MYO5A: variants seen among roughly 807,000 people sequenced by gnomAD.
MYO5A encodes myosin VA.
In MYO5A, 98 loss-of-function variants were observed where a neutral mutation model predicts 249.7. That is an observed-to-expected ratio of 0.39 (90% CI 0.33 to 0.46). The LOEUF (loss-of-function observed/expected upper bound fraction) is 0.46, where lower values mean the gene tolerates loss of function less well. Among genes scored for constraint, MYO5A ranks in the 20% least tolerant of loss-of-function variants. The pLI, the probability that MYO5A is intolerant of heterozygous loss-of-function variation, is 0.98. For missense variants in MYO5A, 1,696 were observed against 2,308.8 expected (o/e 0.73, Z 5.44); for synonymous variants, 778 against 810.6 (o/e 0.96, Z 0.68).
intron 1 of MYO5A, among the ~76,000 whole-genome samples, chr15:52,515,100 A>C (rs1417582518): frequency 1.3e-5 from 2 of 152,096 alleles, no homozygotes; most frequent in Non-Finnish European, 2.9e-5. Flanking sequence ...CAACACAGTG[A>C]GACCCTGTTT....
At chr15:52,423,053 C>T (rs1014620171) in intron 4 of MYO5A, among the ~76,000 whole-genome samples, 17 of 152,128 alleles carry the variant, frequency 1.1e-4, no homozygotes, top group East Asian at 3.9e-4. Flanking sequence ...TGCCTGACTT[C>T]GTGGGGTAGG....
intron 1 of MYO5A, among the ~76,000 whole-genome samples, chr15:52,486,060 T>A (rs941707387): frequency 6.6e-6 from 1 of 152,160 alleles, no homozygotes; most frequent in Non-Finnish European, 1.5e-5. Flanking sequence ...TAAATCACAT[T>A]CCTCTTCTAT....
At chr15:52,449,116 G>A (rs1019920766) in intron 1 of MYO5A, among the ~76,000 whole-genome samples, 33 of 151,524 alleles carry the variant, frequency 2.2e-4, no homozygotes, top group African/African-American at 7.3e-4. Context: ...TTACAGGCAC[G>A]TGCCACCACG....
chr15:52,374,432 T>C (rs1179035074), intron 20 of MYO5A, among the ~76,000 whole-genome samples: 1 of 152,158 alleles, frequency 6.6e-6, no homozygotes, highest in Non-Finnish European at 1.5e-5. Context: ...CCCAAGGAAA[T>C]TAGGTGCTAA....
intron 9 of MYO5A, among the ~76,000 whole-genome samples, chr15:52,402,018 G>T (rs1295417247): frequency 6.6e-6 from 1 of 152,108 alleles, no homozygotes; most frequent in African/African-American, 2.4e-5. Flanking sequence ...TTCATTGGGG[G>T]ACTTGTGATT....
chr15:52,462,515 G>A (rs2076272758), intron 1 of MYO5A, among the ~76,000 whole-genome samples: 1 of 151,828 alleles, frequency 6.6e-6, no homozygotes, highest in Non-Finnish European at 1.5e-5. Context: ...ATCATGATAA[G>A]ACAATTACTA....
intron 11 of MYO5A, among the ~76,000 whole-genome samples, chr15:52,392,345 A>G (rs969391429): frequency 6.6e-6 from 1 of 152,248 alleles, no homozygotes; most frequent in African/African-American, 2.4e-5. Context: ...GTATATTTTC[A>G]AAACTGCACT....
chr15:52,411,163 C>T (rs1833924730), intron 5 of MYO5A, among the ~76,000 whole-genome samples: 1 of 151,912 alleles, frequency 6.6e-6, no homozygotes, highest in Non-Finnish European at 1.5e-5. Flanking sequence ...TATTTTTTTC[C>T]AAAAAACTTC....
At chr15:52,476,044 T>C (rs760161341) in intron 1 of MYO5A, among the ~76,000 whole-genome samples, 1 of 152,198 alleles carries the variant, frequency 6.6e-6, no homozygotes, top group Non-Finnish European at 1.5e-5. Flanking sequence ...TGTAGGTCTC[T>C]AAGGACTTGC....
intron 3 of MYO5A, among the ~76,000 whole-genome samples, chr15:52,426,546 T>G (rs1457309159): frequency 6.6e-6 from 1 of 152,190 alleles, no homozygotes; most frequent in Non-Finnish European, 1.5e-5. Context: ...CACTACAGCC[T>G]AGACCTCCCA....
intron 21 of MYO5A, among the ~76,000 whole-genome samples, chr15:52,370,883 C>A (rs1250011939): frequency 6.6e-6 from 1 of 152,130 alleles, no homozygotes; most frequent in African/African-American, 2.4e-5. Flanking sequence ...GAGGCCAAGG[C>A]AGGAGGATCA....
At chr15:52,506,050 C>G (rs187897301) in intron 1 of MYO5A, among the ~76,000 whole-genome samples, 5 of 151,520 alleles carry the variant, frequency 3.3e-5, no homozygotes, top group Admixed American at 2.6e-4. Context: ...CCTCTCTCTA[C>G]TAAAAAAATA....
At chr15:52,417,989 G>A (rs2043592942) in intron 4 of MYO5A, among the ~76,000 whole-genome samples, 1 of 152,156 alleles carries the variant, frequency 6.6e-6, no homozygotes, top group African/African-American at 2.4e-5. Context: ...AGGAAGAAGA[G>A]GTTATCAGGG....
intron 39 of MYO5A, 24 bp from the exon 40 acceptor site, chr15:52,317,246 G>T: frequency 6.2e-7 from 1 of 1,611,436 alleles, no homozygotes; most frequent in Non-Finnish European, 8.5e-7. Context: ...GAGATACAGA[G>T]AATGCAAATT....
chr15:52,452,268 A>G (rs1029072795), intron 1 of MYO5A, among the ~76,000 whole-genome samples: 7 of 152,206 alleles, frequency 4.6e-5, no homozygotes, highest in Non-Finnish European at 7.3e-5. Flanking sequence ...TAAGATAATC[A>G]GACTCCTATA....
chr15:52,500,349 T>C (rs1334122879), intron 1 of MYO5A, among the ~76,000 whole-genome samples: 3 of 106,212 alleles, frequency 2.8e-5, no homozygotes, highest in Non-Finnish European at 6.3e-5. Context: ...GCCCATTTTT[T>C]TTTTTTTTTT....
intron 1 of MYO5A, among the ~76,000 whole-genome samples, chr15:52,493,284 A>G (rs995741866): frequency 3.3e-5 from 5 of 151,768 alleles, no homozygotes; most frequent in African/African-American, 1.2e-4. Context: ...TGAATCATTA[A>G]TTCCAGAGCT....
At chr15:52,429,479 A>G (rs2075474096) in intron 2 of MYO5A, among the ~76,000 whole-genome samples, 1 of 152,134 alleles carries the variant, frequency 6.6e-6, no homozygotes, top group Non-Finnish European at 1.5e-5. Flanking sequence ...ACCTGAGGTC[A>G]GGAGTTCGAG....
Position 52,425,810 on chromosome 15 carries a change from C to T in MYO5A, c.455+20G>A, listed in dbSNP as rs1193755231. 2 of 1,612,980 alleles carry T rather than the reference C, an allele frequency of 1.2e-6. No homozygotes were observed. Among genetic ancestry groups the T allele is most frequent in the Non-Finnish European group, 1.7e-6 (2 of 1,179,162 alleles). ...ATATCTAATAACTGCCATAAAATAA[C>T]AATGAAAGCTTCTACCAACCTGGCC... On this transcript the variant is annotated intron_variant, in intron 4 of 41. Coordinates refer to ENST00000399233, the MANE Select transcript of MYO5A (RefSeq NM_001382347.1).
Sources: gnomAD v4.1 joint callset for allele counts (sites outside exome capture counted in the v4.1 genomes callset) on GRCh38, gnomAD v4.1.1 for gene constraint, MANE v1.5 for transcripts, NCBI Gene and HGNC (gene_info 2026-07-23, HGNC 2026-07-21) for gene names.